ADAM10: variants seen among roughly 807,000 people sequenced by gnomAD.
The protein encoded by ADAM10 is ADAM metallopeptidase domain 10.
In ADAM10, 17 loss-of-function variants were observed where a neutral mutation model predicts 90.1. The observed-to-expected ratio is 0.19, with a 90% confidence interval of 0.13 to 0.28. The LOEUF is 0.28. Ranked by LOEUF, ADAM10 falls within the 10% of genes least tolerant of loss-of-function variation. The pLI, the probability that ADAM10 is intolerant of heterozygous loss-of-function variation, is 1.00. For synonymous variants in ADAM10, 310 were observed against 298.6 expected, an observed-to-expected ratio of 1.04 and a Z score of -0.40; for missense variants, 610 against 914.3, an observed-to-expected ratio of 0.67 and a Z score of 4.29.
chr15:58,742,917 G>A (rs1899661637), intron 1 of ADAM10, among the ~76,000 whole-genome samples: 1 of 152,090 alleles, frequency 6.6e-6, no homozygotes, highest in Non-Finnish European at 1.5e-5. Context: ...AAATTAACCA[G>A]GCATGGTGGC....
intron 2 of ADAM10, among the ~76,000 whole-genome samples, chr15:58,687,976 T>A (rs1166769091): frequency 6.6e-6 from 1 of 152,158 alleles, no homozygotes; most frequent in Non-Finnish European, 1.5e-5. Context: ...TCTTTGATTG[T>A]AGGGATAATT....
chr15:58,670,887 T>C (rs542627587), intron 4 of ADAM10, among the ~76,000 whole-genome samples: 3 of 152,166 alleles, frequency 2.0e-5, no homozygotes, highest in Non-Finnish European at 4.4e-5. Flanking sequence ...TTAGAACCAT[T>C]AACTTTTAGA....
At chr15:58,606,961 A>G (rs1183799934) in intron 14 of ADAM10, among the ~76,000 whole-genome samples, 1 of 152,276 alleles carries the variant, frequency 6.6e-6, no homozygotes, top group Non-Finnish European at 1.5e-5. Flanking sequence ...GACAATGTGT[A>G]AACAAATGGG....
At chr15:58,598,423 T>C (rs937388141) in intron 15 of ADAM10, among the ~76,000 whole-genome samples, 8 of 152,294 alleles carry the variant, frequency 5.3e-5, no homozygotes, top group Non-Finnish European at 7.4e-5. Context: ...GATATAAAAA[T>C]CAAATTTCCT....
At chr15:58,609,525 T>TACAC (rs555244986) in intron 14 of ADAM10, 1 of 150,888 alleles carries the variant, frequency 6.6e-6, no homozygotes, top group Non-Finnish European at 1.5e-5. Context: ...CATACATACA[T>TACAC]ACACACACAC....
chr15:58,634,006 T>C (rs1896179705), intron 8 of ADAM10, among the ~76,000 whole-genome samples: 2 of 151,756 alleles, frequency 1.3e-5, no homozygotes, highest in African/African-American at 2.4e-5. Flanking sequence ...TAATAATTGA[T>C]TAATCCATCA....
At chr15:58,691,735 T>G (rs1015903111) in intron 2 of ADAM10, 1 of 351,984 alleles carries the variant, frequency 2.8e-6, no homozygotes, top group African/African-American at 2.3e-5. Context: ...CCAGGCTTAG[T>G]GCAGTGGCAT....
chr15:58,714,273 T>C (rs1166363062), intron 2 of ADAM10, among the ~76,000 whole-genome samples: 2 of 138,382 alleles, frequency 1.4e-5, no homozygotes, highest in Non-Finnish European at 3.0e-5. Flanking sequence ...AAAATTACTT[T>C]AATACTTATA....
At chr15:58,719,009 A>G (rs1898756386) in intron 1 of ADAM10, among the ~76,000 whole-genome samples, 1 of 152,066 alleles carries the variant, frequency 6.6e-6, no homozygotes, top group Admixed American at 6.6e-5. Context: ...GTCCTTCACT[A>G]CCTGATGACC....
chr15:58,652,079 C>T (rs529652071), intron 5 of ADAM10, among the ~76,000 whole-genome samples: 1 of 152,184 alleles, frequency 6.6e-6, no homozygotes, highest in South Asian at 2.1e-4. Flanking sequence ...ATCTTTTGCC[C>T]ATTTTTTAAT....
Position 58,688,786 on chromosome 15 carries a change from A to ATATATATATCTCTCTCTC in ADAM10, c.207-6473_207-6472insGAGAGAGAGATATATATA. 1.1e-3 allele frequency among the ~76,000 whole-genome samples: 132 copies of ATATATATATCTCTCTCTC among 122,370 alleles called. 1 individual carries two copies. The highest frequency in any genetic ancestry group is 4.4e-3 in the African/African-American group (123 of 27,822). The allele number at this position is 122,370 out of a possible 152,430, so 80.3% of individuals were successfully genotyped here. A position where few individuals can be genotyped will look rare whatever the true frequency, so the allele number is the denominator to read the frequency against. ...AAAAATTATATATATATATATATATATCTCTCTCTCTCACTGGACTGACTT... is the reference window on the plus strand; with the variant it reads ...AAAAATTATATATATATATATATATATATATATATCTCTCTCTCTCTCTCTCTCTCACTGGACTGACTT... On this transcript the variant is annotated intron_variant, in intron 2 of 15. Coordinates refer to ENST00000260408, the MANE Select transcript of ADAM10 (RefSeq NM_001110.4).
chr15:58,719,921 G>A (rs1414477445), intron 1 of ADAM10, among the ~76,000 whole-genome samples: 2 of 152,082 alleles, frequency 1.3e-5, no homozygotes, highest in South Asian at 2.1e-4. Flanking sequence ...AAGAGGCAAG[G>A]TTCAATAAAT....
chr15:58,691,095 T>C (rs1566996846), intron 2 of ADAM10: 3 of 655,632 alleles, frequency 4.6e-6, no homozygotes, highest in Non-Finnish European at 8.9e-6. Context: ...CCACTTCATA[T>C]TGGCTATCTA....
intron 1 of ADAM10, among the ~76,000 whole-genome samples, chr15:58,727,204 T>TC (rs1899064939): frequency 8.0e-6 from 1 of 125,500 alleles, no homozygotes; most frequent in Non-Finnish European, 1.6e-5. Context: ...TTTTTTTTTT[T>TC]TCCCAAAAAC....
chr15:58,620,666 T>TAGGA (rs1291053815), intron 11 of ADAM10, among the ~76,000 whole-genome samples: 11 of 77,852 alleles, frequency 1.4e-4, no homozygotes, highest in East Asian at 2.2e-3. Context: ...ATGTATTTTT[T>TAGGA]TTTTTTTTTT....
At chr15:58,689,162 T>C (rs548580702) in intron 2 of ADAM10, among the ~76,000 whole-genome samples, 2 of 152,290 alleles carry the variant, frequency 1.3e-5, no homozygotes, top group Admixed American at 6.5e-5. Context: ...ACTGATTATA[T>C]GCAGAGTGAC....
At chr15:58,732,708 CAAA>C (rs35121031) in intron 1 of ADAM10, 8 of 86,996 alleles carry the variant, frequency 9.2e-5, no homozygotes, top group Non-Finnish European at 1.2e-4. Flanking sequence ...GACTCCATCT[CAAA>C]AAAAAAAAAA....
chr15:58,639,429 C>T (rs1048537667), intron 8 of ADAM10, among the ~76,000 whole-genome samples: 2 of 152,128 alleles, frequency 1.3e-5, no homozygotes. Flanking sequence ...GTAGTACTTA[C>T]TAATGAATAG....
chr15:58,728,283 A>C (rs1201286362), intron 1 of ADAM10, among the ~76,000 whole-genome samples: 1 of 152,230 alleles, frequency 6.6e-6, no homozygotes, highest in Non-Finnish European at 1.5e-5. Context: ...TTGACTGCAA[A>C]TAGCCCAGGG....
Sources: gnomAD v4.1 joint callset for allele counts (sites outside exome capture counted in the v4.1 genomes callset) on GRCh38, gnomAD v4.1.1 for gene constraint, MANE v1.5 for transcripts, NCBI Gene and HGNC (gene_info 2026-07-23, HGNC 2026-07-21) for gene names.